The following PLA2G4A variants were observed in gnomAD, a reference collection of about 807,000 sequenced individuals.
PLA2G4A encodes cytosolic phospholipase A2.
In PLA2G4A, 40 loss-of-function variants were observed where a neutral mutation model predicts 81.9. The observed-to-expected ratio is 0.49, with a 90% CI of 0.38 to 0.64. PLA2G4A has a LOEUF of 0.64. Among genes scored for constraint, PLA2G4A ranks in the 30% least tolerant of loss-of-function variants. The pLI, the probability that PLA2G4A is intolerant of heterozygous loss-of-function variation, is 0.00. For missense variants in PLA2G4A, 715 were observed against 905.1 expected (o/e 0.79, Z 2.69); for synonymous variants, 302 against 296.9 (o/e 1.02, Z -0.18).
chr1:186,839,869 G>A (rs1651915989), intron 1 of PLA2G4A, among the ~76,000 whole-genome samples: 1 of 151,784 alleles, frequency 6.6e-6, no homozygotes, highest in Admixed American at 6.6e-5. Flanking sequence ...GAAGTAGAAG[G>A]GGAAAAATGT....
chr1:186,882,544 G>A (rs112269816), intron 3 of PLA2G4A, among the ~76,000 whole-genome samples: 213 of 151,608 alleles, frequency 1.4e-3, no homozygotes, highest in Middle Eastern at 6.8e-3. Context: ...CCTCTTTGCC[G>A]TAGAGTGATA....
intron 1 of PLA2G4A, among the ~76,000 whole-genome samples, chr1:186,851,947 TA>T (rs1652387967): frequency 6.6e-6 from 1 of 151,906 alleles, no homozygotes; most frequent in Non-Finnish European, 1.5e-5. Context: ...TAAGACAGCA[TA>T]GTAGAACAGA....
chr1:186,840,725 T>C (rs958838035), intron 1 of PLA2G4A, among the ~76,000 whole-genome samples: 2 of 152,214 alleles, frequency 1.3e-5, no homozygotes, highest in African/African-American at 2.4e-5. Context: ...TCATTAAACA[T>C]TTAAGCCAGT....
chr1:186,920,994 A>G (rs912786741), intron 7 of PLA2G4A, among the ~76,000 whole-genome samples: 3 of 152,180 alleles, frequency 2.0e-5, no homozygotes, highest in Admixed American at 6.5e-5. Context: ...GATCAAAAGG[A>G]GTGTACATAG....
chr1:186,835,282 C>A (rs111252347), intron 1 of PLA2G4A, among the ~76,000 whole-genome samples: 3,813 of 152,166 alleles, frequency 0.025, 71 homozygotes, highest in Middle Eastern at 0.041. Flanking sequence ...ATTCTTGGAT[C>A]TATAAGAAGA....
intron 2 of PLA2G4A, among the ~76,000 whole-genome samples, chr1:186,865,441 G>A (rs1447749925): frequency 6.6e-6 from 1 of 152,050 alleles, no homozygotes; most frequent in African/African-American, 2.4e-5. Flanking sequence ...ACACCTGAAA[G>A]CGAAACTGAA....
rs569004172 is a variant in PLA2G4A at position 186,881,561 on chromosome 1, C to T, written c.115+11045C>T. Among the ~76,000 whole-genome samples the T allele has an allele frequency of 3.6e-4, 55 of 152,204 alleles. 1 individual carries two copies. In the South Asian group the frequency reaches 0.011, roughly 30 times the overall value. ...TTTCTGGAGGGAGCAGGGGCTGCTA[C>T]ATGTAAACAAGTCCTGTGGCACTCT... On this transcript the variant is annotated intron_variant, in intron 3 of 17. Transcript: ENST00000367466.
intron 15 of PLA2G4A, among the ~76,000 whole-genome samples, chr1:186,976,681 C>A (rs947162958): frequency 5.3e-5 from 8 of 152,146 alleles, no homozygotes; most frequent in African/African-American, 1.9e-4. Flanking sequence ...ATTCTGCTCT[C>A]CCTGAAGATG....
At chr1:186,900,929 T>C (rs1234556299) in intron 5 of PLA2G4A, among the ~76,000 whole-genome samples, 3 of 152,196 alleles carry the variant, frequency 2.0e-5, no homozygotes, top group African/African-American at 7.2e-5. Context: ...GATTGTTGCT[T>C]ATTCATGAGT....
intron 15 of PLA2G4A, among the ~76,000 whole-genome samples, chr1:186,974,058 A>G (rs6680308): frequency 0.24 from 36,615 of 151,416 alleles, 4,605 homozygotes; most frequent in South Asian, 0.28. Context: ...GTATATATGT[A>G]TGTGTGTTCG....
intron 1 of PLA2G4A, among the ~76,000 whole-genome samples, chr1:186,832,337 A>T (rs1336895202): frequency 6.6e-6 from 1 of 152,114 alleles, no homozygotes; most frequent in East Asian, 1.9e-4. Context: ...TTGTGAGATG[A>T]TAATCCAATT....
chr1:186,926,326 C>G (rs1366532250), intron 7 of PLA2G4A, among the ~76,000 whole-genome samples: 1 of 152,024 alleles, frequency 6.6e-6, no homozygotes, highest in Non-Finnish European at 1.5e-5. Context: ...TCTGGGCTAT[C>G]CTTCAAAAAA....
At chr1:186,944,522 G>C (rs1656268674) in intron 10 of PLA2G4A, among the ~76,000 whole-genome samples, 1 of 152,160 alleles carries the variant, frequency 6.6e-6, no homozygotes, top group South Asian at 2.1e-4. Context: ...TTCATTGCTA[G>C]TTATGTCTCA....
At chr1:186,888,828 C>T (rs987255409) in intron 3 of PLA2G4A, among the ~76,000 whole-genome samples, 3 of 112,746 alleles carry the variant, frequency 2.7e-5, no homozygotes, top group Non-Finnish European at 5.3e-5. Flanking sequence ...TGTTTTTTTT[C>T]TATTACTTCT....
intron 7 of PLA2G4A, among the ~76,000 whole-genome samples, chr1:186,917,511 C>T (rs1183687594): frequency 6.6e-6 from 1 of 152,186 alleles, no homozygotes; most frequent in African/African-American, 2.4e-5. Context: ...GATTCATTCG[C>T]TCCACCTTTC....
intron 16 of PLA2G4A, among the ~76,000 whole-genome samples, chr1:186,978,298 G>A (rs534263612): frequency 1.3e-5 from 2 of 151,918 alleles, no homozygotes; most frequent in African/African-American, 2.4e-5. Context: ...TATCCAGAGG[G>A]GTCTCTCGAC....
intron 4 of PLA2G4A, 58 bp from the exon 5 acceptor site, chr1:186,894,040 G>T: frequency 1.3e-6 from 1 of 781,864 alleles, no homozygotes; most frequent in Non-Finnish European, 2.4e-6. Context: ...AATTATAGAT[G>T]TCATTTCCAA....
chr1:186,900,051 C>T (rs1451702880), intron 5 of PLA2G4A, among the ~76,000 whole-genome samples: 1 of 152,050 alleles, frequency 6.6e-6, no homozygotes, highest in African/African-American at 2.4e-5. Flanking sequence ...TTTAGGGCTG[C>T]CATTGATAAA....
At chr1:186,971,985 T>C (rs963703667) in intron 15 of PLA2G4A, among the ~76,000 whole-genome samples, 1 of 152,126 alleles carries the variant, frequency 6.6e-6, no homozygotes, top group Non-Finnish European at 1.5e-5. Flanking sequence ...ATTAGAACTA[T>C]TGACTTTATT....
Sources: gnomAD v4.1 joint callset for allele counts (sites outside exome capture counted in the v4.1 genomes callset) on GRCh38, gnomAD v4.1.1 for gene constraint, MANE v1.5 for transcripts, NCBI Gene and HGNC (gene_info 2026-07-23, HGNC 2026-07-21) for gene names.